TEX11: variants seen among roughly 807,000 people sequenced by gnomAD.
TEX11 encodes testis expressed 11.
TEX11 carries 7 observed loss-of-function variants against 84.4 expected under a neutral mutation model. The observed-to-expected ratio is 0.08, with a 90% CI of 0.05 to 0.16. The LOEUF (loss-of-function observed/expected upper bound fraction) is 0.16. Ranked by LOEUF, TEX11 falls within the 10% of genes least tolerant of loss-of-function variation. The pLI is 1.00. For synonymous variants in TEX11, 264 were observed against 222.8 expected, an observed-to-expected ratio of 1.18 and a Z score of -1.64; for missense variants, 551 against 660.5, an observed-to-expected ratio of 0.83 and a Z score of 1.82.
chrX:70,540,259 G>T (rs1355407283), intron 28 of TEX11, among the ~76,000 whole-genome samples: 2 of 112,039 alleles, frequency 1.8e-5, no homozygotes, highest in Non-Finnish European at 3.8e-5. Flanking sequence ...TCTTTTCTAT[G>T]ACTTAAAAAA....
At chrX:70,708,585 G>C (rs995849106) in intron 13 of TEX11, among the ~76,000 whole-genome samples, 1 of 111,459 alleles carries the variant, frequency 9.0e-6, no homozygotes, top group African/African-American at 3.3e-5. Flanking sequence ...AAGAAGATGT[G>C]GTACATATAT....
chrX:70,607,653 G>T (rs370796231), intron 22 of TEX11, among the ~76,000 whole-genome samples: 1 of 110,841 alleles, frequency 9.0e-6, no homozygotes, highest in South Asian at 3.8e-4. Flanking sequence ...TCACTAACTC[G>T]CAGTGGTGAA....
At chrX:70,905,411 C>T (rs773166809) in intron 2 of TEX11, among the ~76,000 whole-genome samples, 1 of 111,294 alleles carries the variant, frequency 9.0e-6, no homozygotes, top group Non-Finnish European at 1.9e-5. Flanking sequence ...GAATACCCAG[C>T]ATTTTTTTAA....
In TEX11 at chrX:70,812,277, G is replaced by A. The variant is rs767187164; in HGVS notation, c.607-5487C>T. Among the ~76,000 whole-genome samples, 8 of 108,656 alleles carry A rather than the reference G, an allele frequency of 7.4e-5. No homozygotes were observed. In the South Asian group the frequency reaches 2.5e-3, roughly 33 times the overall value. The allele number at this position is 108,656 out of a possible 115,157, so 94.4% of individuals were successfully genotyped here. On this transcript the variant is annotated intron_variant, in intron 8 of 29. Coordinates refer to ENST00000374333, the MANE Select transcript of TEX11 (RefSeq NM_031276.3). ...TAGATTACAGTGGCGCACGATCTCC[G>A]CTCACTGCAAGCTCCGCCTCTTGGG...
chrX:70,628,847 T>C (rs2089477688), intron 18 of TEX11, among the ~76,000 whole-genome samples: 2 of 112,416 alleles, frequency 1.8e-5, no homozygotes. Context: ...GGTTTATAAA[T>C]GTACATTTGA....
chrX:70,761,306 C>T (rs1169150685), intron 9 of TEX11, among the ~76,000 whole-genome samples: 1 of 112,015 alleles, frequency 8.9e-6, no homozygotes, highest in Non-Finnish European at 1.9e-5. Flanking sequence ...AAGACACATG[C>T]ACACATATGT....
chrX:70,531,379 T>C (rs980717320), intron 28 of TEX11, among the ~76,000 whole-genome samples: 1 of 111,957 alleles, frequency 8.9e-6, no homozygotes, highest in Non-Finnish European at 1.9e-5. Flanking sequence ...ACCATAATAG[T>C]ACTTTGAACA....
intron 13 of TEX11, among the ~76,000 whole-genome samples, chrX:70,700,482 G>C (rs1019089010): frequency 5.4e-5 from 6 of 110,558 alleles, no homozygotes; most frequent in Non-Finnish European, 1.1e-4. Context: ...TAATTGTTTT[G>C]GGGTACCATA....
intron 16 of TEX11, among the ~76,000 whole-genome samples, chrX:70,667,814 C>T (rs917967125): frequency 9.0e-6 from 1 of 110,891 alleles, no homozygotes; most frequent in Non-Finnish European, 1.9e-5. Flanking sequence ...GTAATCCCAG[C>T]TACTCAGGAG....
intron 2 of TEX11, among the ~76,000 whole-genome samples, chrX:70,896,601 G>A (rs760521424): frequency 3.6e-5 from 4 of 111,402 alleles, no homozygotes; most frequent in South Asian, 3.8e-4. Flanking sequence ...TTACAATAGC[G>A]AAGACTTGGA....
downstream of TEX11, among the ~76,000 whole-genome samples, chrX:70,528,507 G>A: frequency 9.7e-6 from 1 of 103,526 alleles, no homozygotes; most frequent in East Asian, 3.0e-4. Flanking sequence ...TGTATTTTTA[G>A]TAGAGATGGA....
intron 4 of TEX11, among the ~76,000 whole-genome samples, chrX:70,865,245 C>T (rs1196906454): frequency 9.0e-6 from 1 of 110,992 alleles, no homozygotes; most frequent in South Asian, 3.8e-4. Context: ...GGGTTGCAAT[C>T]CTAGTCTGAT....
intron 11 of TEX11, among the ~76,000 whole-genome samples, chrX:70,733,903 C>A (rs774815371): frequency 9.0e-6 from 1 of 111,585 alleles, no homozygotes; most frequent in East Asian, 2.8e-4. Context: ...TGGAACCAAC[C>A]CAAATGTCCA....
intron 7 of TEX11, among the ~76,000 whole-genome samples, chrX:70,841,835 A>G (rs1346179882): frequency 3.6e-5 from 4 of 111,883 alleles, no homozygotes; most frequent in African/African-American, 9.7e-5. Context: ...AACTACCATC[A>G]GAGAATACTA....
intron 7 of TEX11, among the ~76,000 whole-genome samples, chrX:70,841,433 G>C (rs1481274052): frequency 1.8e-5 from 2 of 110,712 alleles, no homozygotes; most frequent in African/African-American, 3.3e-5. Flanking sequence ...TGAAACCAAC[G>C]AGAACAAAGA....
intron 8 of TEX11, among the ~76,000 whole-genome samples, chrX:70,827,451 T>C (rs953192577): frequency 9.0e-6 from 1 of 111,382 alleles, no homozygotes; most frequent in African/African-American, 3.3e-5. Context: ...GGTCCCCAAA[T>C]CCAGGTGTAG....
intron 9 of TEX11, among the ~76,000 whole-genome samples, chrX:70,777,720 T>C (rs1569438024): frequency 9.0e-6 from 1 of 110,857 alleles, no homozygotes; most frequent in Non-Finnish European, 1.9e-5. Flanking sequence ...ATAACTGTCA[T>C]GGCAACCACA....
At chrX:70,801,663 T>TC (rs2091189468) in intron 9 of TEX11, among the ~76,000 whole-genome samples, 1 of 93,921 alleles carries the variant, frequency 1.1e-5, no homozygotes, top group African/African-American at 3.7e-5. Flanking sequence ...CTTTCTTTCT[T>TC]TCTTTCTTTC....
chrX:70,906,856 T>G (rs1159007260), intron 2 of TEX11, among the ~76,000 whole-genome samples: 1 of 112,066 alleles, frequency 8.9e-6, no homozygotes, highest in African/African-American at 3.2e-5. Flanking sequence ...CTTTTTAAAA[T>G]CATAGATTTG....
Sources: gnomAD v4.1 joint callset for allele counts (sites outside exome capture counted in the v4.1 genomes callset) on GRCh38, gnomAD v4.1.1 for gene constraint, MANE v1.5 for transcripts, NCBI Gene and HGNC (gene_info 2026-07-23, HGNC 2026-07-21) for gene names.